ISY1: variants seen among roughly 807,000 people sequenced by gnomAD.
The protein encoded by ISY1 is ISY1 spliceosome associated protein, also known as pre-mRNA-splicing factor ISY1 homolog.
In ISY1, 12 loss-of-function variants were observed where a neutral mutation model predicts 54.4. The observed-to-expected ratio is 0.22, with a 90% confidence interval of 0.14 to 0.36. The LOEUF is 0.36. Among genes scored for constraint, ISY1 ranks in the 10% least tolerant of loss-of-function variants. The probability of loss-of-function intolerance (pLI) is 1.00; values close to 1 mark genes in which losing one functional copy is unlikely to be tolerated. For missense variants in ISY1, 282 were observed against 342.2 expected, an observed-to-expected ratio of 0.82 and a Z score of 1.39; for synonymous variants, 96 against 117.9, an observed-to-expected ratio of 0.81 and a Z score of 1.20.
chr3:129,130,667 T>C (rs1296619859), intron 9 of ISY1, 31 bp from the exon 10 acceptor site: 2 of 1,612,654 alleles, frequency 1.2e-6, no homozygotes, highest in Admixed American at 1.7e-5. Flanking sequence ...AGTCCATCAG[T>C]AGGCGCCCAG....
intron 5 of ISY1, among the ~76,000 whole-genome samples, chr3:129,154,008 C>T (rs1394402361): frequency 2.0e-5 from 3 of 151,002 alleles, no homozygotes; most frequent in Admixed American, 6.6e-5. Context: ...TTTGGGAGGC[C>T]GAGGCGGGCG....
chr3:129,160,752 T>C (rs1359379563), intron 1 of ISY1, among the ~76,000 whole-genome samples: 2 of 152,146 alleles, frequency 1.3e-5, no homozygotes, highest in East Asian at 3.8e-4. Context: ...TCATCGGGAT[T>C]AAGACACTGT....
intron 7 of ISY1, among the ~76,000 whole-genome samples, chr3:129,138,315 A>C (rs996471220): frequency 4.6e-5 from 7 of 150,672 alleles, no homozygotes; most frequent in African/African-American, 1.7e-4. Context: ...CCTGGCACCA[A>C]CACAGTGAAA....
chr3:129,159,156 G>A lies in ISY1; in HGVS notation c.24C>T (p.Ala8=), dbSNP rs1160844980. The change falls in exon 2 of 11, where the codon GCC becomes GCT. Residue 8 remains alanine (A), a splice_region_variant and synonymous_variant. Transcript: ENST00000393295. ...GCCAAAAACAAGTTGATACTTACAT[G>A]GCCTTTTCTGCATTTCGGGCCTGGA... MARNAEK[A]MTALARFRQA... The A allele has an allele frequency of 6.2e-7, 1 of 1,606,080 alleles. No homozygotes were observed. Among genetic ancestry groups the A allele is most frequent in the Admixed American group, 1.7e-5 (1 of 57,708 alleles).
intron 9 of ISY1, 47 bp from the exon 10 acceptor site, chr3:129,130,683 T>C (rs778765768): frequency 6.2e-7 from 1 of 1,604,876 alleles, no homozygotes; most frequent in Non-Finnish European, 8.5e-7. Context: ...CCCAGCTAGA[T>C]AAATGCTGGC....
intron 6 of ISY1, chr3:129,144,324 G>A: frequency 5.1e-6 from 1 of 197,452 alleles, no homozygotes; most frequent in East Asian, 1.2e-4. Context: ...AGACACAAAA[G>A]GTGCTTCAGA....
intron 6 of ISY1, 64 bp downstream of exon 6, chr3:129,145,697 A>G (rs9880527): frequency 0.97 from 1,461,773 of 1,513,728 alleles, 706,991 homozygotes; most frequent in East Asian, 1. Context: ...GGCAAGAATG[A>G]GCTGGGAACT....
In ISY1 at chr3:129,130,115, T is replaced by C; in HGVS notation, c.824A>G (p.Gln275Arg). The change falls in exon 11 of 11, where the codon CAA (glutamine) becomes CGA (arginine). Residue 275 changes from glutamine to arginine, a missense_variant. Coordinates refer to ENST00000393295, the MANE Select transcript of ISY1 (RefSeq NM_020701.4). ...CAGGAGCCTTCTGGCTTCTTCACTT[T>C]GGGCCTGCAGGGTCTCGCTTGCATA... The part of the protein sequence containing the change: ...QKYASETLQA[Q>R]SEEARRLLGY 1.2e-6 allele frequency: 2 copies of C among 1,611,406 alleles called. No individual in the cohort carries two copies. Among genetic ancestry groups the C allele is most frequent in the Non-Finnish European group, 8.5e-7 (1 of 1,179,136 alleles).
chr3:129,145,937 A>G, intron 5 of ISY1, 64 bp from the exon 6 acceptor site: 1 of 1,488,436 alleles, frequency 6.7e-7, no homozygotes, highest in African/African-American at 1.4e-5. Context: ...TCTAACACGT[A>G]CACTTAGTAT....
chr3:129,134,942 G>A lies in ISY1; in HGVS notation c.431C>T (p.Pro144Leu), dbSNP rs774228745. The change falls in exon 8 of 11, where the codon CCC becomes CTC. Residue 144 changes from proline to leucine, a missense_variant. Physicochemically the swap from Pro to Leu is moderately conservative, Grantham distance 98. This residue lies in a region of ISY1 where 279 missense variants were observed against 323.6 expected (regional missense o/e 0.86). Transcript: ENST00000393295. Reference protein sequence around the residue: ...ELFEKEPLPPPRKTRAELMKA... With the variant: ...ELFEKEPLPPLRKTRAELMKA... Reference sequence around the variant, plus strand: ...CATGAGCTCAGCACGTGTCTTTCTGGGAGGAGGAAGAGCTATAAGAAACAG... The same window carrying A: ...CATGAGCTCAGCACGTGTCTTTCTGAGAGGAGGAAGAGCTATAAGAAACAG... 1.2e-6 allele frequency: 2 copies of A among 1,606,994 alleles called. No individual in the cohort carries two copies. Among genetic ancestry groups the A allele is most frequent in the Non-Finnish European group, 1.7e-6 (2 of 1,176,038 alleles).
At chr3:129,145,969 A>G (rs1464131851) in intron 5 of ISY1, 96 bp from the exon 6 acceptor site, 3 of 1,187,032 alleles carry the variant, frequency 2.5e-6, no homozygotes, top group Non-Finnish European at 3.6e-6. Flanking sequence ...AATGAATGTC[A>G]ACACCTACAA....
chr3:129,155,469 C>T lies in ISY1; in HGVS notation c.187+1164G>A, dbSNP rs544427748. Among the ~76,000 whole-genome samples, 37 of 152,194 alleles carry T rather than the reference C, an allele frequency of 2.4e-4. 1 individual carries two copies. Among genetic ancestry groups the T allele is most frequent in the African/African-American group, 8.7e-4 (36 of 41,528 alleles). ...TCGGCCTCCCAAAGTGCTGGGATTA[C>T]AGGTGTGAGCCACCGCACCAGGCCA... On this transcript the variant is annotated intron_variant, in intron 5 of 10. Transcript: ENST00000393295.
At chr3:129,147,599 A>G (rs1264584214) in intron 5 of ISY1, among the ~76,000 whole-genome samples, 1 of 152,174 alleles carries the variant, frequency 6.6e-6, no homozygotes, top group African/African-American at 2.4e-5. Context: ...TGGAGAAAAC[A>G]AGAATCACAA....
At chr3:129,132,255 T>C (rs1936256595) in intron 9 of ISY1, among the ~76,000 whole-genome samples, 3 of 152,182 alleles carry the variant, frequency 2.0e-5, no homozygotes, top group Non-Finnish European at 2.9e-5. Context: ...TAGAACTACA[T>C]GAGATACAAC....
At chr3:129,135,799 G>T (rs1308750579) in intron 7 of ISY1, among the ~76,000 whole-genome samples, 1 of 151,360 alleles carries the variant, frequency 6.6e-6, no homozygotes, top group Non-Finnish European at 1.5e-5. Context: ...ACACGAGATA[G>T]CAAAAAGCTT....
chr3:129,130,801 A>G, intron 9 of ISY1, 165 bp from the exon 10 acceptor site: 1 of 698,102 alleles, frequency 1.4e-6, no homozygotes, highest in East Asian at 3.1e-5. Flanking sequence ...AAAAAAAGCC[A>G]TAGAACACGC....
intron 3 of ISY1, 79 bp downstream of exon 3, chr3:129,158,429 G>T: frequency 1.3e-6 from 2 of 1,590,402 alleles, no homozygotes; most frequent in Admixed American, 3.3e-5. Context: ...CAAGTATTGG[G>T]ATTACAGGCA....
Position 129,134,814 on chromosome 3 carries a change from A to AT in ISY1, c.541+17_541+18insA. On this transcript the variant is annotated intron_variant, in intron 8 of 10. Transcript: ENST00000393295. The stretch of plus-strand genomic sequence containing the variant: ...AACAGATGCCATCTATTATGAAATA[A>AT]AATGCCCAGAGACCTACGTTTCTTT... 2.5e-6 allele frequency: 4 copies of AT among 1,595,176 alleles called. No homozygotes were observed. The highest frequency in any genetic ancestry group is 3.4e-6 in the Non-Finnish European group (4 of 1,169,880).
intron 5 of ISY1, among the ~76,000 whole-genome samples, chr3:129,149,956 A>G (rs527522069): frequency 2.7e-5 from 4 of 148,240 alleles, no homozygotes; most frequent in Admixed American, 1.3e-4. Flanking sequence ...GCTGGGTGAC[A>G]GAGAAAGGCT....
Sources: allele counts gnomAD v4.1 joint callset (sites outside exome capture counted in the v4.1 genomes callset), GRCh38; gene constraint gnomAD v4.1.1; regional missense constraint gnomAD v4.1.1; transcripts MANE v1.5; gene names NCBI Gene and HGNC (gene_info 2026-07-23, HGNC 2026-07-21).